DNM2: variants seen among roughly 807,000 people sequenced by gnomAD.
The protein encoded by DNM2 is dynamin 2, also known as dynamin-2.
Under a neutral mutation model 99.0 loss-of-function variants are expected in DNM2, and 15 were observed. The observed-to-expected ratio is 0.15, with a 90% confidence interval of 0.10 to 0.23. The LOEUF is 0.23. DNM2 is among the 10% of genes least tolerant of loss of function. The probability of loss-of-function intolerance (pLI) is 1.00; values close to 1 mark genes in which losing one functional copy is unlikely to be tolerated. For missense variants in DNM2, 742 were observed against 1,189.4 expected, an observed-to-expected ratio of 0.62 and a Z score of 5.53; for synonymous variants, 525 against 481.2, an observed-to-expected ratio of 1.09 and a Z score of -1.19.
chr19:10,825,094 C>T lies in DNM2; in HGVS notation c.1931C>T (p.Ser644Phe). Residue 644 changes from serine to phenylalanine, a missense_variant, in exon 18 of 21, where the codon TCC becomes TTC. Around this residue, in one of 7 missense-constraint regions of DNM2, gnomAD observed 240 missense variants for 431.3 expected, o/e 0.56. Transcript: ENST00000389253. ...NEDGAQENTF[S>F]MDPQLERQVE... ...GATGGGGCCCAGGAGAACACCTTCT[C>T]CATGGACCCCCAACTGGAGCGGCAG... 6.2e-7 allele frequency: 1 copy of T among 1,614,238 alleles called. No homozygotes were observed. The highest frequency in any genetic ancestry group is 8.5e-7 in the Non-Finnish European group (1 of 1,180,048).
intron 1 of DNM2, among the ~76,000 whole-genome samples, chr19:10,731,292 C>T (rs776128974): frequency 2.0e-5 from 3 of 151,988 alleles, no homozygotes; most frequent in Admixed American, 6.6e-5. Flanking sequence ...CAGCTGGCCG[C>T]GCAGCCAGGA....
intron 15 of DNM2, among the ~76,000 whole-genome samples, chr19:10,813,769 T>G (rs2072634648): frequency 6.7e-6 from 1 of 149,964 alleles, no homozygotes; most frequent in Non-Finnish European, 1.5e-5. Flanking sequence ...GAGGCTGTGG[T>G]GAGCTATGAT....
chr19:10,824,251 C>T (rs2073073887), intron 17 of DNM2: 2 of 336,610 alleles, frequency 5.9e-6, no homozygotes, highest in Non-Finnish European at 1.2e-5. Context: ...CCTGTAATCC[C>T]AGCACTTTGG....
chr19:10,782,847 G>T, intron 5 of DNM2, 113 bp from the exon 6 acceptor site: 1 of 1,439,700 alleles, frequency 6.9e-7, no homozygotes, highest in South Asian at 1.2e-5. Flanking sequence ...TATGACAGCT[G>T]TGAGTGCCTC....
intron 2 of DNM2, among the ~76,000 whole-genome samples, chr19:10,760,487 T>C (rs2070583703): frequency 6.6e-6 from 1 of 152,114 alleles, no homozygotes; most frequent in Non-Finnish European, 1.5e-5. Context: ...CCCAGCACCA[T>C]GCCCCAGAGA....
intron 15 of DNM2, among the ~76,000 whole-genome samples, chr19:10,813,234 A>G (rs2072616130): frequency 6.6e-6 from 1 of 152,142 alleles, no homozygotes; most frequent in South Asian, 2.1e-4. Flanking sequence ...GACTGCAGGG[A>G]GCAGTGTTGA....
chr19:10,756,340 C>T (rs942535818), intron 1 of DNM2, among the ~76,000 whole-genome samples: 3 of 152,128 alleles, frequency 2.0e-5, no homozygotes, highest in African/African-American at 7.2e-5. Flanking sequence ...CACCCACCCC[C>T]GTCAGAATGT....
rs1011946360 is a variant in DNM2 at position 10,802,470 on chromosome 19, C to CG, written c.1493+117dup. On this transcript the variant is annotated intron_variant, in intron 12 of 20. Coordinates refer to ENST00000389253, the MANE Select transcript of DNM2 (RefSeq NM_001005361.3). ...AGGGCAGGTGTCAGACAGTCTCTGT[C>CG]GGGGGTCCTGGGGTGAAGGCAGAGC... The CG allele has an allele frequency of 5.5e-6, 7 of 1,270,348 alleles. No individual in the cohort carries two copies. The African/African-American group carries it at 1.0e-4, about 19-fold the overall frequency. The allele number at this position is 1,270,348 out of a possible 1,614,324, so 78.7% of individuals were successfully genotyped here.
At position 10,751,360 on chromosome 19, in the gene DNM2, G is replaced by A. The variant is rs111771084; in HGVS notation, c.162-8378G>A. On this transcript the variant is annotated intron_variant, in intron 1 of 20. Coordinates refer to ENST00000389253, the MANE Select transcript of DNM2 (RefSeq NM_001005361.3). Reference sequence around the variant, plus strand: ...CTGTAGCAGCAGCAAAGGGAGAGGAGAGGAGTAGGTAGATTTCAGTACTCT... The same window carrying A: ...CTGTAGCAGCAGCAAAGGGAGAGGAAAGGAGTAGGTAGATTTCAGTACTCT... 2.0e-5 allele frequency among the ~76,000 whole-genome samples: 3 copies of A among 152,150 alleles called. No homozygotes were observed. In the South Asian group the frequency reaches 6.2e-4, roughly 31 times the overall value.
intron 1 of DNM2, among the ~76,000 whole-genome samples, chr19:10,749,688 A>C (rs748016179): frequency 1.3e-5 from 2 of 152,208 alleles, no homozygotes; most frequent in Non-Finnish European, 2.9e-5. Flanking sequence ...TACCCATTCA[A>C]CAAATACTTA....
At chr19:10,729,441 G>T (rs1319128145) in intron 1 of DNM2, among the ~76,000 whole-genome samples, 1 of 152,116 alleles carries the variant, frequency 6.6e-6, no homozygotes. Context: ...GGCTGCAGGG[G>T]GCTGCTTCAC....
At chr19:10,766,133 C>T (rs906186269) in intron 2 of DNM2, among the ~76,000 whole-genome samples, 1 of 152,176 alleles carries the variant, frequency 6.6e-6, no homozygotes, top group Non-Finnish European at 1.5e-5. Flanking sequence ...AAACTCTCCT[C>T]CCTCTCTCCC....
rs530978513 is a variant in DNM2, at chr19:10,783,063, C to A, written c.792C>A (p.Ala264=). The A allele has an allele frequency of 2.7e-5, 44 of 1,613,920 alleles. No homozygotes were observed. The South Asian group carries it at 4.6e-4, about 17-fold the overall frequency. The part of the protein sequence containing the change: ...AERKFFLSHP[A]YRHMADRMGT... ...GGAAGTTCTTCCTCTCCCACCCGGC[C>A]TACCGGCACATGGCCGACCGCATGG... Residue 264 remains alanine (A), a synonymous_variant, in exon 6 of 21, where the codon GCC becomes GCA. Coordinates refer to ENST00000389253, the MANE Select transcript of DNM2 (RefSeq NM_001005361.3).
chr19:10,734,699 C>T (rs1306815080), intron 1 of DNM2, among the ~76,000 whole-genome samples: 1 of 148,782 alleles, frequency 6.7e-6, no homozygotes, highest in Non-Finnish European at 1.5e-5. Flanking sequence ...CAATTTTTCC[C>T]ATATGAGACT....
intron 1 of DNM2, among the ~76,000 whole-genome samples, chr19:10,756,352 G>T (rs1426902118): frequency 6.6e-6 from 1 of 150,808 alleles, no homozygotes; most frequent in Non-Finnish European, 1.5e-5. Flanking sequence ...TCAGAATGTT[G>T]GCGCCAGTGT....
At chr19:10,749,227 T>C (rs574186288) in intron 1 of DNM2, among the ~76,000 whole-genome samples, 1 of 152,316 alleles carries the variant, frequency 6.6e-6, no homozygotes, top group African/African-American at 2.4e-5. Flanking sequence ...GCATCGTTCC[T>C]GCACGTAGCC....
rs145607989 is a variant in DNM2, at chr19:10,783,049, C to A, written c.778C>A (p.Leu260Ile). 4 of 1,613,846 alleles carry A rather than the reference C, an allele frequency of 2.5e-6. No individual in the cohort carries two copies. The African/African-American group carries it at 5.3e-5, about 22-fold the overall frequency. ...ACTGGCAGCTGAGAGGAAGTTCTTC[C>A]TCTCCCACCCGGCCTACCGGCACAT... ...AALAAERKFFLSHPAYRHMAD... is the reference protein window; with the variant it reads ...AALAAERKFFISHPAYRHMAD... Residue 260 changes from leucine to isoleucine, a missense_variant, in exon 6 of 21, where the codon CTC becomes ATC. Coordinates refer to ENST00000389253, the MANE Select transcript of DNM2 (RefSeq NM_001005361.3).
chr19:10,771,477 G>A (rs529407953), intron 2 of DNM2, among the ~76,000 whole-genome samples: 1 of 152,156 alleles, frequency 6.6e-6, no homozygotes, highest in Non-Finnish European at 1.5e-5. Flanking sequence ...GAATAGTCAG[G>A]GGGAGAAAGA....
At chr19:10,718,603 G>A in intron 1 of DNM2, 200 bp downstream of exon 1, 2 of 790,006 alleles carry the variant, frequency 2.5e-6, no homozygotes, top group South Asian at 5.8e-5. Context: ...GCAGGCCCGG[G>A]CCCCAGGGGC....
Sources: allele counts gnomAD v4.1 joint callset (sites outside exome capture counted in the v4.1 genomes callset), GRCh38; gene constraint gnomAD v4.1.1; regional missense constraint gnomAD v4.1.1; transcripts MANE v1.5; gene names NCBI Gene and HGNC (gene_info 2026-07-23, HGNC 2026-07-21).